EMB: variants seen among roughly 807,000 people sequenced by gnomAD.
The protein encoded by EMB is embigin homolog.
A neutral mutation model predicts 41.4 loss-of-function variants in EMB; 31 were observed. The ratio of observed to expected loss-of-function variants is 0.75; its 90% CI spans 0.56 to 1.01. The LOEUF (loss-of-function observed/expected upper bound fraction) is 1.01, where lower values mean the gene tolerates loss of function less well. EMB is among the 50% of genes least tolerant of loss of function. EMB has a pLI of 0.00. For missense variants in EMB, 379 were observed against 388.3 expected (o/e 0.98, Z 0.20); for synonymous variants, 137 against 140.4 (o/e 0.98, Z 0.17).
In EMB at chr5:50,405,729, A is replaced by C; in HGVS notation, c.596T>G (p.Val199Gly). The change falls in exon 5 of 9, where the codon GTA (valine) becomes GGA (glycine). Residue 199 changes from valine to glycine, a missense_variant. Transcript: ENST00000303221. Reference protein sequence around the residue: ...NWTWYSSNGSVKVPVGVQMNK... With the variant: ...NWTWYSSNGSGKVPVGVQMNK... ...CAAATCAAGGAACTATCTTACCTTT[A>C]CACTCCCATTACTACTGTACCAGGT... 1 of 1,584,544 alleles carries C rather than the reference A, an allele frequency of 6.3e-7. No individual in the cohort carries two copies. The highest frequency in any genetic ancestry group is 8.5e-7 in the Non-Finnish European group (1 of 1,169,670).
chr5:50,422,231 T>G (rs1297707485), intron 2 of EMB, among the ~76,000 whole-genome samples: 1 of 152,164 alleles, frequency 6.6e-6, no homozygotes, highest in Non-Finnish European at 1.5e-5. Context: ...TATTAGTGAA[T>G]CAGGAAATCA....
chr5:50,440,892 C>T (rs1016145661), intron 1 of EMB, 148 bp downstream of exon 1: 5 of 475,972 alleles, frequency 1.1e-5, no homozygotes, highest in Non-Finnish European at 1.7e-5. Flanking sequence ...TGGGAGGCCG[C>T]CGCCGACTCT....
At position 50,428,462 on chromosome 5, in the gene EMB, A is replaced by T. The variant is rs1745659382; in HGVS notation, c.113-235T>A. ...CTAAAAATCCCTACTGACTTACATCAGATGGCTTTTTTTAAATAACGCCTT... is the reference window on the plus strand; with the variant it reads ...CTAAAAATCCCTACTGACTTACATCTGATGGCTTTTTTTAAATAACGCCTT... On this transcript the variant is annotated intron_variant, in intron 1 of 8. Coordinates refer to ENST00000303221, the MANE Select transcript of EMB (RefSeq NM_198449.3). 1.1e-5 allele frequency: 13 copies of T among 1,150,560 alleles called. No individual in the cohort carries two copies. The East Asian group carries it at 5.6e-4, about 49-fold the overall frequency. 71.3% of individuals were successfully genotyped at this position (1,150,560 alleles called of 1,614,324 possible). A position where few individuals can be genotyped will look rare whatever the true frequency, so the allele number is the denominator to read the frequency against.
intron 1 of EMB, among the ~76,000 whole-genome samples, chr5:50,436,080 G>C (rs1745798318): frequency 6.6e-6 from 1 of 152,030 alleles, no homozygotes; most frequent in Admixed American, 6.5e-5. Context: ...CCAAGATCTG[G>C]GTGCTAAGTA....
At chr5:50,421,694 A>G (rs1465393617) in intron 2 of EMB, among the ~76,000 whole-genome samples, 2 of 152,026 alleles carry the variant, frequency 1.3e-5, no homozygotes, top group Admixed American at 1.3e-4. Flanking sequence ...GCACATATAC[A>G]CCATGGAATA....
At chr5:50,440,841 G>A (rs1052695216) in intron 1 of EMB, among the ~76,000 whole-genome samples, 199 bp downstream of exon 1, 2 of 152,108 alleles carry the variant, frequency 1.3e-5, no homozygotes, top group African/African-American at 4.8e-5. Context: ...GCGAGCCGCA[G>A]CAGTTTCAGG....
chr5:50,399,583 G>T (rs1290254081), intron 8 of EMB, among the ~76,000 whole-genome samples: 1 of 151,946 alleles, frequency 6.6e-6, no homozygotes, highest in African/African-American at 2.4e-5. Context: ...ATGAAAAATT[G>T]TAAAAGAAAC....
intron 1 of EMB, among the ~76,000 whole-genome samples, chr5:50,438,281 T>C (rs1045388162): frequency 7.2e-5 from 11 of 152,216 alleles, no homozygotes; most frequent in African/African-American, 2.7e-4. Flanking sequence ...TTCTTCATCT[T>C]GAGCCCAGAA....
rs568406737 is a variant in EMB, at chr5:50,428,418, A to AT, written c.113-192dup. Reference sequence around the variant, plus strand: ...GCTATTAAATGTGAAAAAAATTCTGATTTTTTTTCTTTTTTAACCTAAAAA... The same window carrying AT: ...GCTATTAAATGTGAAAAAAATTCTGATTTTTTTTTCTTTTTTAACCTAAAAA... On this transcript the variant is annotated intron_variant, in intron 1 of 8. Coordinates refer to ENST00000303221, the MANE Select transcript of EMB (RefSeq NM_198449.3). 237 of 1,213,338 alleles carry AT rather than the reference A, an allele frequency of 2.0e-4. 2 individuals carry two copies. In the African/African-American group the frequency reaches 2.7e-3, roughly 14 times the overall value. The allele number at this position is 1,213,338 out of a possible 1,614,324, so 75.2% of individuals were successfully genotyped here. A position where few individuals can be genotyped will look rare whatever the true frequency, so the allele number is the denominator to read the frequency against.
At chr5:50,439,694 G>GT (rs1745864663) in intron 1 of EMB, among the ~76,000 whole-genome samples, 1 of 151,978 alleles carries the variant, frequency 6.6e-6, no homozygotes, top group Non-Finnish European at 1.5e-5. Flanking sequence ...TGTCCAAGTT[G>GT]TTAACAACTA....
At chr5:50,408,285 A>G (rs1745279800) in intron 4 of EMB, among the ~76,000 whole-genome samples, 1 of 151,776 alleles carries the variant, frequency 6.6e-6, no homozygotes, top group Admixed American at 6.6e-5. Context: ...TTCAGCAACC[A>G]CTCAGAATAT....
chr5:50,417,187 T>A (rs1473570371), intron 2 of EMB, among the ~76,000 whole-genome samples: 1 of 152,150 alleles, frequency 6.6e-6, no homozygotes, highest in African/African-American at 2.4e-5. Context: ...AGCTTCATGA[T>A]GCAACCCAAA....
In EMB at chr5:50,399,926, C is replaced by A. The variant is rs376529854; in HGVS notation, c.912-13G>T. ...ATCATCTGATTTCCTGCACAGAAAA[C>A]AAAAAAGAAAATTACTAAATGCTTA... On this transcript the variant is annotated splice_polypyrimidine_tract_variant and intron_variant, in intron 7 of 8. Transcript: ENST00000303221. 2.8e-5 allele frequency: 44 copies of A among 1,589,602 alleles called. No homozygotes were observed. The African/African-American group carries it at 5.4e-4, about 20-fold the overall frequency.
At chr5:50,403,552 T>C (rs1216952531) in intron 5 of EMB, 98 bp from the exon 6 acceptor site, 5 of 1,311,592 alleles carry the variant, frequency 3.8e-6, no homozygotes, top group South Asian at 1.4e-5. Context: ...GCCAACAATA[T>C]TGCTTACTAG....
intron 2 of EMB, among the ~76,000 whole-genome samples, chr5:50,417,322 T>C (rs531889223): frequency 6.6e-6 from 1 of 152,318 alleles, no homozygotes; most frequent in East Asian, 1.9e-4. Flanking sequence ...GTCTTAAACA[T>C]ATGGAGTTAA....
At chr5:50,421,987 T>C (rs2111828905) in intron 2 of EMB, among the ~76,000 whole-genome samples, 1 of 151,960 alleles carries the variant, frequency 6.6e-6, no homozygotes, top group East Asian at 1.9e-4. Flanking sequence ...ATGGCACATG[T>C]ATACATATGT....
At position 50,428,131 on chromosome 5, in the gene EMB, A is replaced by T; in HGVS notation, c.196+13T>A. On this transcript the variant is annotated intron_variant, in intron 2 of 8. Transcript: ENST00000303221. ...TTTTTCGAATTGCATTATTTGAAAC[A>T]TGATACATTTACCAGTCAGTGATAT... 6.4e-7 allele frequency: 1 copy of T among 1,564,052 alleles called. No homozygotes were observed. Among genetic ancestry groups the T allele is most frequent in the Non-Finnish European group, 8.7e-7 (1 of 1,143,306 alleles).
chr5:50,436,424 T>A (rs527288026), intron 1 of EMB, among the ~76,000 whole-genome samples: 2 of 152,308 alleles, frequency 1.3e-5, no homozygotes, highest in East Asian at 3.9e-4. Context: ...ATTTGATCCA[T>A]CACCCTGTAT....
Position 50,410,151 on chromosome 5 carries a change from C to T in EMB, c.472+726G>A, listed in dbSNP as rs140558134. 1.3e-4 allele frequency among the ~76,000 whole-genome samples: 20 copies of T among 152,036 alleles called. No individual in the cohort carries two copies. In the East Asian group the frequency reaches 2.1e-3, roughly 16 times the overall value. On this transcript the variant is annotated intron_variant, in intron 4 of 8. Transcript: ENST00000303221. ...TGGGGAATTAATGCAAAGCAGAGTC[C>T]GACGTAGTTAATATGGCGACAGATT... is the stretch of plus-strand genomic sequence containing the variant.
Sources: gnomAD v4.1 joint callset for allele counts (sites outside exome capture counted in the v4.1 genomes callset) on GRCh38, gnomAD v4.1.1 for gene constraint, MANE v1.5 for transcripts, NCBI Gene and HGNC (gene_info 2026-07-23, HGNC 2026-07-21) for gene names.